NAV3: variants seen among roughly 807,000 people sequenced by gnomAD.
NAV3 encodes the protein neuron navigator 3.
NAV3 carries 87 observed loss-of-function variants against 244.7 expected under a neutral mutation model. The ratio of observed to expected loss-of-function variants is 0.36; its 90% CI spans 0.30 to 0.42. The LOEUF (loss-of-function observed/expected upper bound fraction) is 0.42. Among genes scored for constraint, NAV3 ranks in the 20% least tolerant of loss-of-function variants. NAV3 has a pLI of 1.00. For synonymous variants in NAV3, 1,126 were observed against 1,042.2 expected, an observed-to-expected ratio of 1.08 and a Z score of -1.55; for missense variants, 2,663 against 2,893.3, an observed-to-expected ratio of 0.92 and a Z score of 1.83.
chr12:77,586,101 G>T (rs997608899), intron 2 of NAV3, among the ~76,000 whole-genome samples: 68 of 152,192 alleles, frequency 4.5e-4, no homozygotes, highest in African/African-American at 1.6e-3. Context: ...GGCGGAGCTT[G>T]CAGTGAGCCG....
intron 1 of NAV3, among the ~76,000 whole-genome samples, chr12:77,903,903 A>T (rs543002327): frequency 5.3e-4 from 80 of 152,356 alleles, no homozygotes; most frequent in African/African-American, 1.9e-3. Flanking sequence ...AATGCTCATC[A>T]TCACTGGCCA....
intron 2 of NAV3, among the ~76,000 whole-genome samples, chr12:77,605,791 ATTGGGG>A (rs961496367): frequency 6.6e-6 from 1 of 151,750 alleles, no homozygotes; most frequent in Non-Finnish European, 1.5e-5. Flanking sequence ...GTGAGCTGAG[ATTGGGG>A]CATTGCACTC....
chr12:77,689,432 C>T (rs1322618704), intron 2 of NAV3, among the ~76,000 whole-genome samples: 1 of 151,820 alleles, frequency 6.6e-6, no homozygotes, highest in Non-Finnish European at 1.5e-5. Context: ...TACTACCATC[C>T]AGTCTGAGAT....
Position 77,760,806 on chromosome 12 carries a change from A to C in NAV3, c.73-179513A>C, listed in dbSNP as rs532580540. On this transcript the variant is annotated intron_variant, in intron 2 of 8. Transcript: ENST00000550042. ...ATGTTTCAAAACTTTTATCAAGCTC[A>C]AGTGTGAGTCAGGCAATTACGAGTA... 7.9e-5 allele frequency among the ~76,000 whole-genome samples: 12 copies of C among 152,304 alleles called. No homozygotes were observed. In the East Asian group the frequency reaches 2.3e-3, roughly 29 times the overall value.
intron 23 of NAV3, among the ~76,000 whole-genome samples, chr12:78,165,370 TGGAAGAGTAGA>T: frequency 6.6e-6 from 1 of 152,056 alleles, no homozygotes; most frequent in Non-Finnish European, 1.5e-5. Context: ...ATGACTGAAT[TGGAAGAGTAGA>T]CTTTAAATCC....
intron 18 of NAV3, among the ~76,000 whole-genome samples, chr12:78,133,160 G>A (rs1419868438): frequency 6.6e-6 from 1 of 151,994 alleles, no homozygotes; most frequent in East Asian, 1.9e-4. Flanking sequence ...TCCTGTCCGT[G>A]TCAACATAAT....
In NAV3 at chr12:78,007,312, TCTC is replaced by T. The variant is rs769347044; in HGVS notation, c.1777_1779del (p.Pro593del). 1.9e-6 allele frequency: 3 copies of T among 1,613,992 alleles called. No homozygotes were observed. The highest frequency in any genetic ancestry group is 1.1e-5 in the South Asian group (1 of 91,092). ...GGAAGGAAGGGAAGCTGGCCAAGCT[TCTC>T]CTTCTGGTTCCTGTACCATGACAGT... On this transcript the variant is annotated inframe_deletion, in exon 8 of 40. Transcript: ENST00000397909.
At chr12:78,200,623 T>A (rs564114883) in intron 38 of NAV3, 32 bp downstream of exon 38, 24,346 of 1,302,070 alleles carry the variant, frequency 0.019, 164 homozygotes, top group South Asian at 0.042. Context: ...GCTATTTTTT[T>A]TTAAAAAAAA....
chr12:78,119,120 A>T (rs1955551739), intron 14 of NAV3, 117 bp from the exon 15 acceptor site: 2 of 1,102,582 alleles, frequency 1.8e-6, no homozygotes, highest in South Asian at 3.1e-5. Context: ...ATCTAAGACA[A>T]TACATTTAGG....
intron 1 of NAV3, among the ~76,000 whole-genome samples, chr12:77,888,569 A>G (rs1174930273): frequency 6.6e-5 from 10 of 152,212 alleles, no homozygotes; most frequent in Non-Finnish European, 1.5e-4. Context: ...ACAGTAAGAC[A>G]AAGTAATGAA....
chr12:77,622,623 C>T (rs1372388654), intron 2 of NAV3, among the ~76,000 whole-genome samples: 10 of 141,840 alleles, frequency 7.1e-5, no homozygotes, highest in East Asian at 2.1e-4. Flanking sequence ...GAGACTTAAG[C>T]TAGTTGTACT....
At chr12:77,581,534 AG>A (rs1446257765) in intron 2 of NAV3, among the ~76,000 whole-genome samples, 3 of 152,156 alleles carry the variant, frequency 2.0e-5, no homozygotes, top group Non-Finnish European at 4.4e-5. Context: ...ATGGTAAAGT[AG>A]TTCTTTAGTG....
At chr12:77,755,395 A>G (rs562863657) in intron 2 of NAV3, among the ~76,000 whole-genome samples, 1 of 152,140 alleles carries the variant, frequency 6.6e-6, no homozygotes, top group Non-Finnish European at 1.5e-5. Context: ...TGTGCTGGGG[A>G]TACCAGGGAG....
intron 2 of NAV3, among the ~76,000 whole-genome samples, chr12:77,662,278 T>G (rs972200948): frequency 6.7e-6 from 1 of 150,370 alleles, no homozygotes; most frequent in Non-Finnish European, 1.5e-5. Context: ...TCACCTTATT[T>G]TAGATCTTTA....
chr12:77,834,938 ATTAG>A (rs1386054130), intron 1 of NAV3, among the ~76,000 whole-genome samples: 1 of 152,198 alleles, frequency 6.6e-6, no homozygotes, highest in Non-Finnish European at 1.5e-5. Flanking sequence ...AGGTAGTTAT[ATTAG>A]AGAGAATTAG....
chr12:77,855,684 G>C (rs1230258176), intron 1 of NAV3, among the ~76,000 whole-genome samples: 1 of 152,182 alleles, frequency 6.6e-6, no homozygotes, highest in Non-Finnish European at 1.5e-5. Flanking sequence ...CCCACTTGCT[G>C]CTCGTGGGCA....
At chr12:77,736,482 G>C (rs975079291) in intron 2 of NAV3, among the ~76,000 whole-genome samples, 24 of 152,258 alleles carry the variant, frequency 1.6e-4, no homozygotes, top group African/African-American at 5.5e-4. Flanking sequence ...AGGGGTCTGG[G>C]ATCCACTGGC....
intron 18 of NAV3, among the ~76,000 whole-genome samples, chr12:78,131,629 T>G (rs1199683209): frequency 2.6e-5 from 4 of 152,174 alleles, no homozygotes; most frequent in Non-Finnish European, 5.9e-5. Context: ...TTCCTCACCA[T>G]TATTATTCTG....
At chr12:77,814,909 T>A (rs1872469013) in intron 2 of NAV3, among the ~76,000 whole-genome samples, 1 of 152,290 alleles carries the variant, frequency 6.6e-6, no homozygotes, top group South Asian at 2.1e-4. Flanking sequence ...TTTTTTTCTT[T>A]TTTCTAAGAG....
Sources: gnomAD v4.1 joint callset for allele counts (sites outside exome capture counted in the v4.1 genomes callset) on GRCh38, gnomAD v4.1.1 for gene constraint, MANE v1.5 for transcripts, NCBI Gene and HGNC (gene_info 2026-07-23, HGNC 2026-07-21) for gene names.